EI24: variants seen among roughly 807,000 people sequenced by gnomAD.
EI24 encodes the protein EI24 autophagy associated transmembrane protein, also known as etoposide-induced protein 2.4 homolog.
A neutral mutation model predicts 48.6 loss-of-function variants in EI24; 21 were observed. That is an observed-to-expected ratio of 0.43 (90% confidence interval 0.31 to 0.62). EI24 has a LOEUF of 0.62. Among genes scored for constraint, EI24 ranks in the 20% least tolerant of loss-of-function variants. The probability of loss-of-function intolerance (pLI) is 0.10; values close to 1 mark genes in which losing one functional copy is unlikely to be tolerated. For synonymous variants in EI24, 114 were observed against 145.5 expected (o/e 0.78, Z 1.56); for missense variants, 280 against 410.5 (o/e 0.68, Z 2.75).
intron 2 of EI24, chr11:125,574,758 T>C (rs1318130539): frequency 6.5e-6 from 1 of 152,964 alleles, no homozygotes; most frequent in African/African-American, 2.4e-5. Context: ...ATTGGAACAA[T>C]ACAGAGATTA....
rs1196295391 is a variant in EI24 at position 125,582,881 on chromosome 11, T to C, written c.860+461T>C. Among the ~76,000 whole-genome samples, 3 of 152,324 alleles carry C rather than the reference T, an allele frequency of 2.0e-5. No individual in the cohort carries two copies. In the East Asian group the frequency reaches 5.8e-4, roughly 29 times the overall value. The stretch of plus-strand genomic sequence containing the variant: ...GCTATACAGCACAGCTCACTGTTTA[T>C]CTTAAGAGGAATATTTGACTTTCTT... On this transcript the variant is annotated intron_variant, in intron 10 of 10. Transcript: ENST00000278903.
At chr11:125,578,906 A>C in intron 6 of EI24, 43 bp from the exon 7 acceptor site, 2 of 1,548,820 alleles carry the variant, frequency 1.3e-6, no homozygotes, top group Admixed American at 4.0e-5. Flanking sequence ...GATGTATATC[A>C]AGGCCATTTA....
chr11:125,581,203 T>C lies in EI24; in HGVS notation c.674-8T>C, dbSNP rs1216888462. On this transcript the variant is annotated splice_polypyrimidine_tract_variant and splice_region_variant and intron_variant, in intron 8 of 10. Transcript: ENST00000278903. The stretch of plus-strand genomic sequence containing the variant: ...TAATATCTAATTGTATTGGCTTTCT[T>C]GTTTTAGGAATTGAAATGCACCAGC... 18 of 1,599,638 alleles carry C rather than the reference T, an allele frequency of 1.1e-5. No individual in the cohort carries two copies. The highest frequency in any genetic ancestry group is 1.5e-5 in the Non-Finnish European group (18 of 1,169,166).
rs773948216 is a variant in EI24, at chr11:125,578,285, G to A, written c.441+28G>A. 2.5e-6 allele frequency: 4 copies of A among 1,613,286 alleles called. No individual in the cohort carries two copies. The Admixed American group carries it at 5.0e-5, about 20-fold the overall frequency. On this transcript the variant is annotated intron_variant, in intron 6 of 10. Transcript: ENST00000278903. The stretch of plus-strand genomic sequence containing the variant: ...AGGTCCAGGGCAGAATGGAGTCTGG[G>A]TCCCGCAGCATGATTGGCTGACAGG...
In EI24 at chr11:125,583,846, G is replaced by C. The variant is rs375102205; in HGVS notation, c.*163G>C. The stretch of plus-strand genomic sequence containing the variant: ...ATTGAAATTTTTGTCTCTGGTGCAC[G>C]TAAGGCAGAATGTTCCCTGACACCA... On this transcript the variant is annotated 3_prime_UTR_variant, in exon 11 of 11. Transcript: ENST00000278903. 8.7e-5 allele frequency: 78 copies of C among 900,126 alleles called. No homozygotes were observed. Among genetic ancestry groups the C allele is most frequent in the Non-Finnish European group, 1.3e-4 (77 of 599,130 alleles). 55.8% of individuals were successfully genotyped at this position (900,126 alleles called of 1,614,324 possible).
At chr11:125,572,670 T>TA in intron 2 of EI24, 101 bp downstream of exon 2, 1 of 1,120,332 alleles carries the variant, frequency 8.9e-7, no homozygotes, top group Non-Finnish European at 1.3e-6. Context: ...ACTTTTATCA[T>TA]ATTTCTTGGG....
In EI24 at chr11:125,583,722, A is replaced by C; in HGVS notation, c.*39A>C. The C allele has an allele frequency of 6.3e-7, 1 of 1,593,376 alleles. No homozygotes were observed. The highest frequency in any genetic ancestry group is 8.5e-7 in the Non-Finnish European group (1 of 1,169,604). On this transcript the variant is annotated 3_prime_UTR_variant, in exon 11 of 11. Transcript: ENST00000278903. The stretch of plus-strand genomic sequence containing the variant: ...CAAAGGGGATGGGCGGGATTGGAAG[A>C]AGCTGTGGCAGCTCTTTTCCCTGTT...
rs1304366922 is a variant in EI24 at position 125,582,419 on chromosome 11, TAGTA to T, written c.860+4_860+7del. ...TGAAGCAAAGACCCCTGGCAAAGCA[TAGTA>T]AGTATTAGCCAGTGATGAAATTTTT... On this transcript the variant is annotated splice_donor_variant and splice_donor_region_variant and coding_sequence_variant and intron_variant, in exon 10 of 11. Transcript: ENST00000278903. LOFTEE classifies it high-confidence loss of function. 1 of 1,597,652 alleles carries T rather than the reference TAGTA, an allele frequency of 6.3e-7. No homozygotes were observed. Among genetic ancestry groups the T allele is most frequent in the Non-Finnish European group, 8.5e-7 (1 of 1,171,672 alleles).
intron 8 of EI24, among the ~76,000 whole-genome samples, 194 bp downstream of exon 8, chr11:125,580,398 G>C (rs1938945024): frequency 6.6e-6 from 1 of 152,210 alleles, no homozygotes; most frequent in South Asian, 2.1e-4. Context: ...GGATGTGGTA[G>C]TATGGCATTA....
chr11:125,576,538 A>G (rs1235172717), intron 4 of EI24, among the ~76,000 whole-genome samples: 1 of 152,186 alleles, frequency 6.6e-6, no homozygotes, highest in Non-Finnish European at 1.5e-5. Flanking sequence ...ATACACTTGA[A>G]TTTTGTTTCT....
At chr11:125,577,393 C>T in intron 4 of EI24, 111 bp from the exon 5 acceptor site, 1 of 1,083,510 alleles carries the variant, frequency 9.2e-7, no homozygotes, top group South Asian at 1.4e-5. Context: ...CCGGCCTAGG[C>T]CTCCTGATTT....
chr11:125,575,215 A>T, intron 2 of EI24, 48 bp from the exon 3 acceptor site: 1 of 1,479,060 alleles, frequency 6.8e-7, no homozygotes. Context: ...TGACAAAGCA[A>T]GACCCTGTCT....
chr11:125,580,913 C>T (rs892106343), intron 8 of EI24: 1 of 155,118 alleles, frequency 6.4e-6, no homozygotes, highest in South Asian at 2.0e-4. Context: ...CCTGTCTCTA[C>T]TAAAAATACA....
chr11:125,573,451 G>C, intron 2 of EI24: 1 of 256,556 alleles, frequency 3.9e-6, no homozygotes, highest in Non-Finnish European at 8.3e-6. Context: ...AGTTTAAAAG[G>C]TTACCTTTAT....
intron 3 of EI24, 137 bp downstream of exon 3, chr11:125,575,545 T>C (rs766973410): frequency 7.5e-5 from 79 of 1,053,902 alleles, no homozygotes; most frequent in Non-Finnish European, 9.8e-5. Flanking sequence ...CCCAACAACA[T>C]TGACTTAAAC....
rs756122606 is a variant in EI24 at position 125,576,339 on chromosome 11, C to A, written c.249+24C>A. ...GGGTAAGTTCTTTAAATTCCAGGTG[C>A]CTTATAAGCATCTTCAGATTGTTGC... On this transcript the variant is annotated intron_variant, in intron 4 of 10. Coordinates refer to ENST00000278903, the MANE Select transcript of EI24 (RefSeq NM_004879.5). The A allele has an allele frequency of 3.1e-6, 5 of 1,609,270 alleles. No homozygotes were observed. In the African/African-American group the frequency reaches 5.3e-5, roughly 17 times the overall value.
intron 2 of EI24, 94 bp from the exon 3 acceptor site, chr11:125,575,169 G>C: frequency 2.5e-6 from 3 of 1,193,306 alleles, no homozygotes; most frequent in Non-Finnish European, 3.4e-6. Flanking sequence ...GGAGGCTGCA[G>C]TGAGCTATGA....
At chr11:125,572,827 C>CTT (rs35464386) in intron 2 of EI24, among the ~76,000 whole-genome samples, 26 of 105,388 alleles carry the variant, frequency 2.5e-4, no homozygotes, top group African/African-American at 7.5e-4. Context: ...GGCTTCAGAG[C>CTT]TTTTTTTTTT....
At chr11:125,583,131 C>T (rs1939083941) in intron 10 of EI24, among the ~76,000 whole-genome samples, 1 of 152,036 alleles carries the variant, frequency 6.6e-6, no homozygotes, top group African/African-American at 2.4e-5. Flanking sequence ...GACGGAGTCT[C>T]GCTCTGTCAC....
Sources: allele counts gnomAD v4.1 joint callset (sites outside exome capture counted in the v4.1 genomes callset), GRCh38; gene constraint gnomAD v4.1.1; transcripts MANE v1.5; gene names NCBI Gene and HGNC (gene_info 2026-07-23, HGNC 2026-07-21).